The following EML5 variants were observed in gnomAD, a reference collection of about 807,000 sequenced individuals.
EML5 encodes the protein EMAP like 5.
In EML5, 120 loss-of-function variants were observed where a neutral mutation model predicts 250.0. The ratio of observed to expected loss-of-function variants is 0.48; its 90% CI spans 0.41 to 0.56. The LOEUF (loss-of-function observed/expected upper bound fraction) is 0.56, where lower values mean the gene tolerates loss of function less well. EML5 is among the 20% of genes least tolerant of loss of function. The pLI is 0.00. For missense variants in EML5, 2,006 were observed against 2,437.6 expected (o/e 0.82, Z 3.73); for synonymous variants, 771 against 806.5 (o/e 0.96, Z 0.75).
Position 88,792,248 on chromosome 14 carries a change from G to C in EML5, c.197+59C>G. On this transcript the variant is annotated intron_variant, in intron 1 of 43. Coordinates refer to ENST00000554922, the MANE Select transcript of EML5 (RefSeq NM_183387.3). The surrounding 1 kb of genome is among the most constrained non-coding windows in gnomAD (Gnocchi z 6.9). ...GGTCACGGCGTCCAGAGGAACCCGC[G>C]GGTGCAAACTCCGGGAGCGGCTTGC... 6.6e-7 allele frequency: 1 copy of C among 1,523,702 alleles called. No homozygotes were observed. Among genetic ancestry groups the C allele is most frequent in the South Asian group, 1.2e-5 (1 of 81,692 alleles). The allele number at this position is 1,523,702 out of a possible 1,614,324, so 94.4% of individuals were successfully genotyped here. A position where few individuals can be genotyped will look rare whatever the true frequency, so the allele number is the denominator to read the frequency against.
intron 6 of EML5, among the ~76,000 whole-genome samples, chr14:88,737,059 CTTTGCCTTGCT>C (rs1595724552): frequency 6.6e-6 from 1 of 152,096 alleles, no homozygotes; most frequent in Non-Finnish European, 1.5e-5. Context: ...CAGTAAAACT[CTTTGCCTTGCT>C]CACCTGCCAG....
intron 33 of EML5, among the ~76,000 whole-genome samples, chr14:88,631,101 C>A (rs991066852): frequency 3.9e-5 from 6 of 152,148 alleles, no homozygotes; most frequent in Non-Finnish European, 8.8e-5. Context: ...CCTTAAGGAT[C>A]AAAAATATCA....
chr14:88,736,071 G>A lies in EML5; in HGVS notation c.1049+293C>T, dbSNP rs1295453084. On this transcript the variant is annotated intron_variant, in intron 7 of 43. Coordinates refer to ENST00000554922, the MANE Select transcript of EML5 (RefSeq NM_183387.3). ...GCTGGAATGCAGTGCCATGATCTTGGCGCACTGCAACCTTCGCCTCCTGGG... is the reference window on the plus strand; with the variant it reads ...GCTGGAATGCAGTGCCATGATCTTGACGCACTGCAACCTTCGCCTCCTGGG... 4.0e-5 allele frequency among the ~76,000 whole-genome samples: 6 copies of A among 149,888 alleles called. No individual in the cohort carries two copies. The East Asian group carries it at 9.8e-4, about 25-fold the overall frequency.
At chr14:88,791,909 A>G (rs574299635) in intron 1 of EML5, among the ~76,000 whole-genome samples, 64 of 152,258 alleles carry the variant, frequency 4.2e-4, no homozygotes, top group Non-Finnish European at 7.5e-4. Context: ...GTCCTTTATT[A>G]GGTAAAGGGT....
intron 21 of EML5, among the ~76,000 whole-genome samples, chr14:88,676,086 T>G (rs1236734073): frequency 1.3e-5 from 2 of 152,202 alleles, no homozygotes; most frequent in Non-Finnish European, 2.9e-5. Context: ...TATCTGCTTC[T>G]GAGCCCTCCA....
At chr14:88,640,510 A>G (rs965170293) in intron 31 of EML5, among the ~76,000 whole-genome samples, 6 of 152,202 alleles carry the variant, frequency 3.9e-5, no homozygotes, top group Non-Finnish European at 7.4e-5. Context: ...GTAGATTAAA[A>G]CAGAGACACA....
At chr14:88,754,770 T>C in intron 1 of EML5, 99 bp from the exon 2 acceptor site, 1 of 1,000,886 alleles carries the variant, frequency 1.0e-6, no homozygotes. Flanking sequence ...AGTGTGAACA[T>C]TAGACTTTAT....
intron 9 of EML5, among the ~76,000 whole-genome samples, chr14:88,712,746 T>C (rs758274014): frequency 2.0e-4 from 31 of 152,246 alleles, no homozygotes; most frequent in Non-Finnish European, 3.4e-4. Context: ...TTCAATTATG[T>C]GGAGAATAAA....
intron 40 of EML5, 23 bp downstream of exon 40, chr14:88,618,625 TGG>T: frequency 6.3e-7 from 1 of 1,586,304 alleles, no homozygotes; most frequent in Non-Finnish European, 8.6e-7. Context: ...ACTTGCCACC[TGG>T]GTATACAGTA....
At chr14:88,746,129 C>G in intron 3 of EML5, 56 bp downstream of exon 3, 1 of 1,378,892 alleles carries the variant, frequency 7.3e-7, no homozygotes, top group Non-Finnish European at 1.0e-6. Flanking sequence ...CTCCTGAACT[C>G]TCTTCTGGTC....
chr14:88,780,828 C>T (rs2094491160), intron 1 of EML5, among the ~76,000 whole-genome samples: 1 of 152,198 alleles, frequency 6.6e-6, no homozygotes, highest in South Asian at 2.1e-4. Context: ...CTGCCTTGTC[C>T]TCCCAAAGTG....
At chr14:88,786,998 T>C (rs369839785) in intron 1 of EML5, among the ~76,000 whole-genome samples, 1 of 152,216 alleles carries the variant, frequency 6.6e-6, no homozygotes, top group Non-Finnish European at 1.5e-5. Flanking sequence ...AGAACTGCTA[T>C]GGTGAAACAG....
chr14:88,785,914 T>C (rs1473074016), intron 1 of EML5, among the ~76,000 whole-genome samples: 1 of 152,162 alleles, frequency 6.6e-6, no homozygotes, highest in Non-Finnish European at 1.5e-5. Context: ...ATAGTTCCAA[T>C]AACTTCCATT....
chr14:88,696,994 T>C, intron 14 of EML5, 42 bp from the exon 15 acceptor site: 2 of 1,255,230 alleles, frequency 1.6e-6, no homozygotes, highest in South Asian at 1.7e-5. Context: ...AATTAAATTA[T>C]TTATTTCCAT....
At position 88,657,444 on chromosome 14, in the gene EML5, T is replaced by C; in HGVS notation, c.3936A>G (p.Ser1312=). 6.2e-7 allele frequency: 1 copy of C among 1,605,098 alleles called. No individual in the cohort carries two copies. Among genetic ancestry groups the C allele is most frequent in the Non-Finnish European group, 8.5e-7 (1 of 1,175,398 alleles). The change falls in exon 27 of 44, where the codon TCA becomes TCG. Residue 1312 remains serine, a synonymous_variant. Coordinates refer to ENST00000554922, the MANE Select transcript of EML5 (RefSeq NM_183387.3). ...TTCCTAACATTGGGCGAATATTTGT[T>C]GATAAGGCTCTGATGGTGTAACTGA... ...NEISYTIRAL[S]TNIRPMLGIK...
rs376094970 is a variant in EML5 at position 88,643,400 on chromosome 14, T to C, written c.4108-378A>G. Among the ~76,000 whole-genome samples the C allele has an allele frequency of 5.3e-4, 80 of 152,220 alleles. 1 individual carries two copies. In the South Asian group the frequency reaches 0.016, roughly 30 times the overall value. On this transcript the variant is annotated intron_variant, in intron 30 of 43. Transcript: ENST00000554922. ...GGGAAAAAAACAATAAAAAATAACA[T>C]TTAAAACACAATATTGTATAACAAA...
At chr14:88,745,964 C>A (rs2093998868) in intron 3 of EML5, among the ~76,000 whole-genome samples, 1 of 152,016 alleles carries the variant, frequency 6.6e-6, no homozygotes, top group Admixed American at 6.6e-5. Context: ...AGTCTTATGC[C>A]AATGCTATAC....
At chr14:88,658,055 T>A in intron 26 of EML5, 132 bp downstream of exon 26, 1 of 850,430 alleles carries the variant, frequency 1.2e-6, no homozygotes, top group Non-Finnish European at 1.8e-6. Context: ...TGGATTTTGA[T>A]GTTAAACAGA....
chr14:88,707,507 A>G (rs900077334), intron 10 of EML5, among the ~76,000 whole-genome samples: 1 of 152,090 alleles, frequency 6.6e-6, no homozygotes, highest in African/African-American at 2.4e-5. Flanking sequence ...TAAAATACAC[A>G]GGATACAATG....
Sources: allele counts gnomAD v4.1 joint callset (sites outside exome capture counted in the v4.1 genomes callset), GRCh38; gene constraint gnomAD v4.1.1; non-coding constraint Gnocchi (gnomAD v3.1); transcripts MANE v1.5; gene names NCBI Gene and HGNC (gene_info 2026-07-23, HGNC 2026-07-21).